NRG3: variants seen among roughly 807,000 people sequenced by gnomAD.
NRG3 encodes pro-neuregulin-3, membrane-bound isoform.
In NRG3, 31 loss-of-function variants were observed where a neutral mutation model predicts 66.9. The observed-to-expected ratio is 0.46, with a 90% CI of 0.35 to 0.63. The LOEUF is 0.63. Among genes scored for constraint, NRG3 ranks in the 20% least tolerant of loss-of-function variants. NRG3 has a pLI of 0.00. For missense variants in NRG3, 910 were observed against 878.9 expected, an observed-to-expected ratio of 1.04 and a Z score of -0.45; for synonymous variants, 393 against 359.4, an observed-to-expected ratio of 1.09 and a Z score of -1.06.
chr10:82,702,557 G>A (rs1421041433), intron 2 of NRG3, among the ~76,000 whole-genome samples: 1 of 152,196 alleles, frequency 6.6e-6, no homozygotes, highest in Non-Finnish European at 1.5e-5. Context: ...TTGACAAGGT[G>A]CAGGTCAGGC....
intron 1 of NRG3, among the ~76,000 whole-genome samples, chr10:82,227,317 T>C (rs1444067023): frequency 6.6e-6 from 1 of 152,170 alleles, no homozygotes; most frequent in Non-Finnish European, 1.5e-5. Context: ...TCTGTCTTTA[T>C]AGAGTCTCAT....
intron 1 of NRG3, among the ~76,000 whole-genome samples, chr10:82,003,988 A>AACACACACACACACACACAC (rs746699197): frequency 8.9e-5 from 12 of 134,338 alleles, no homozygotes; most frequent in African/African-American, 3.4e-4. Context: ...CCTGACTGAA[A>AACACACACACACACACACAC]ACACACACAC....
At chr10:82,048,383 A>G (rs1319078898) in intron 1 of NRG3, among the ~76,000 whole-genome samples, 2 of 152,056 alleles carry the variant, frequency 1.3e-5, no homozygotes, top group African/African-American at 2.4e-5. Flanking sequence ...AAAGAACAGA[A>G]ATTATAACAA....
intron 3 of NRG3, among the ~76,000 whole-genome samples, chr10:82,794,406 C>G (rs2060712653): frequency 1.3e-5 from 2 of 152,000 alleles, no homozygotes; most frequent in Admixed American, 1.3e-4. Flanking sequence ...TTTATGTAAC[C>G]AAAATTTATT....
At chr10:82,435,765 GTTTCT>G (rs1474080828) in intron 2 of NRG3, among the ~76,000 whole-genome samples, 1 of 139,012 alleles carries the variant, frequency 7.2e-6, no homozygotes, top group African/African-American at 2.7e-5. Flanking sequence ...TTTTGAGTGA[GTTTCT>G]TTTCTTTTCT....
intron 1 of NRG3, among the ~76,000 whole-genome samples, chr10:82,159,907 A>T (rs996178245): frequency 6.6e-6 from 1 of 151,950 alleles, no homozygotes; most frequent in Non-Finnish European, 1.5e-5. Context: ...GTTCACCTGG[A>T]AAGAGTCCTG....
intron 2 of NRG3, among the ~76,000 whole-genome samples, chr10:82,479,499 G>A (rs1472679568): frequency 5.3e-5 from 4 of 74,914 alleles, no homozygotes; most frequent in South Asian, 7.1e-4. Context: ...AGGAGTTGGA[G>A]GGAAAAAAAA....
intron 1 of NRG3, among the ~76,000 whole-genome samples, chr10:82,070,145 A>T (rs549784003): frequency 6.6e-6 from 1 of 152,306 alleles, no homozygotes; most frequent in Non-Finnish European, 1.5e-5. Flanking sequence ...GCTGCTTTCA[A>T]ATTCCTTGCT....
chr10:82,365,137 G>A (rs2084440610), intron 2 of NRG3, among the ~76,000 whole-genome samples: 1 of 152,208 alleles, frequency 6.6e-6, no homozygotes, highest in African/African-American at 2.4e-5. Context: ...CTTCCATTCA[G>A]TGAGGGTCCT....
At chr10:81,884,229 G>T (rs1842419545) in intron 1 of NRG3, among the ~76,000 whole-genome samples, 1 of 152,084 alleles carries the variant, frequency 6.6e-6, no homozygotes. Flanking sequence ...CATTGCTTCT[G>T]TCAAGCACTT....
chr10:82,174,418 A>T (rs1336063090), intron 1 of NRG3, among the ~76,000 whole-genome samples: 2 of 151,896 alleles, frequency 1.3e-5, no homozygotes, highest in Non-Finnish European at 2.9e-5. Context: ...TCATTAAGCC[A>T]ATCTTTCCTC....
intron 3 of NRG3, among the ~76,000 whole-genome samples, chr10:82,812,166 C>G (rs17746747): frequency 2.6e-5 from 4 of 151,322 alleles, no homozygotes; most frequent in Non-Finnish European, 3.0e-5. Context: ...GGTTCCAGTT[C>G]GCTATGTCTG....
At chr10:81,926,583 C>G (rs530537401) in intron 1 of NRG3, among the ~76,000 whole-genome samples, 14 of 152,104 alleles carry the variant, frequency 9.2e-5, no homozygotes, top group African/African-American at 3.4e-4. Flanking sequence ...TGCCACATGA[C>G]AAGTGTTTGT....
At chr10:82,164,822 A>G (rs1003429594) in intron 1 of NRG3, among the ~76,000 whole-genome samples, 1 of 152,188 alleles carries the variant, frequency 6.6e-6, no homozygotes, top group Non-Finnish European at 1.5e-5. Context: ...TGAACTTTCA[A>G]CTTGGTTATA....
intron 2 of NRG3, among the ~76,000 whole-genome samples, chr10:82,572,747 G>C (rs1199371304): frequency 6.6e-6 from 1 of 151,688 alleles, no homozygotes; most frequent in African/African-American, 2.4e-5. Context: ...CTTAAGAAAT[G>C]TCTCAGCTGA....
chr10:82,187,050 CTT>C (rs2073850395), intron 1 of NRG3, among the ~76,000 whole-genome samples: 1 of 152,098 alleles, frequency 6.6e-6, no homozygotes, highest in East Asian at 1.9e-4. Flanking sequence ...CTGGAGGAGA[CTT>C]TTTGGTAGAT....
intron 2 of NRG3, among the ~76,000 whole-genome samples, chr10:82,671,506 G>A (rs1027934341): frequency 6.6e-6 from 1 of 152,176 alleles, no homozygotes; most frequent in Admixed American, 6.5e-5. Flanking sequence ...TGGAGCAGTG[G>A]ATTAGTGACT....
chr10:82,550,700 A>G (rs1229960287), intron 2 of NRG3, among the ~76,000 whole-genome samples: 1 of 152,176 alleles, frequency 6.6e-6, no homozygotes, highest in Non-Finnish European at 1.5e-5. Flanking sequence ...AGTTGAAAGC[A>G]TCAGTTAGGA....
chr10:82,509,965 G>A (rs982515115), intron 2 of NRG3, among the ~76,000 whole-genome samples: 5 of 151,856 alleles, frequency 3.3e-5, no homozygotes, highest in South Asian at 2.1e-4. Flanking sequence ...CTGTTTTCTC[G>A]CAGACAAGGT....
Sources: gnomAD v4.1 joint callset for allele counts (sites outside exome capture counted in the v4.1 genomes callset) on GRCh38, gnomAD v4.1.1 for gene constraint, MANE v1.5 for transcripts, NCBI Gene and HGNC (gene_info 2026-07-23, HGNC 2026-07-21) for gene names.